SYT2: variants seen among roughly 807,000 people sequenced by gnomAD.
SYT2 encodes the protein synaptotagmin-2.
SYT2 carries 15 observed loss-of-function variants against 39.9 expected under a neutral mutation model. The observed-to-expected ratio is 0.38, with a 90% CI of 0.25 to 0.58. SYT2 has a LOEUF of 0.58. Ranked by LOEUF, SYT2 falls within the 20% of genes least tolerant of loss-of-function variation. The pLI, the probability that SYT2 is intolerant of heterozygous loss-of-function variation, is 0.70. For synonymous variants in SYT2, 181 were observed against 204.5 expected (o/e 0.89, Z 0.98); for missense variants, 389 against 530.3 (o/e 0.73, Z 2.62).
intron 1 of SYT2, among the ~76,000 whole-genome samples, chr1:202,680,299 T>C (rs1653491980): frequency 1.3e-5 from 2 of 152,336 alleles, no homozygotes; most frequent in Non-Finnish European, 2.9e-5. Context: ...TTTCTGCCCC[T>C]AGGAGCCATA....
At chr1:202,600,324 C>T in intron 7 of SYT2, 33 bp downstream of exon 7, 3 of 1,579,836 alleles carry the variant, frequency 1.9e-6, no homozygotes, top group Admixed American at 3.3e-5. Context: ...CTCGCTGGTG[C>T]CACCCAATGG....
chr1:202,688,647 AG>A (rs1438255899), intron 1 of SYT2, among the ~76,000 whole-genome samples: 1 of 152,240 alleles, frequency 6.6e-6, no homozygotes, highest in Non-Finnish European at 1.5e-5. Flanking sequence ...GACCTTGAAG[AG>A]AGAGATCTGC....
chr1:202,640,825 A>T (rs72644167), intron 1 of SYT2, among the ~76,000 whole-genome samples: 12,178 of 150,766 alleles, frequency 0.081, 733 homozygotes, highest in East Asian at 0.31. Context: ...AGACAGTGAG[A>T]CAGAGCTGAT....
At chr1:202,618,416 T>TGTGTGTGC (rs1553336815) in intron 1 of SYT2, among the ~76,000 whole-genome samples, 25 of 151,772 alleles carry the variant, frequency 1.6e-4, no homozygotes, top group Admixed American at 1.6e-3. Context: ...TGTGTGTGTG[T>TGTGTGTGC]GTGTGTGTGT....
intron 1 of SYT2, among the ~76,000 whole-genome samples, chr1:202,613,099 CAG>C (rs1690935142): frequency 1.2e-5 from 1 of 80,914 alleles, no homozygotes; most frequent in Non-Finnish European, 2.5e-5. Flanking sequence ...TTTTTTTTTC[CAG>C]ACAGAGTCTC....
intron 1 of SYT2, among the ~76,000 whole-genome samples, chr1:202,638,770 C>G (rs1223287035): frequency 6.6e-6 from 1 of 152,234 alleles, no homozygotes; most frequent in African/African-American, 2.4e-5. Context: ...CCCTACCCCG[C>G]CCCATCCCAA....
chr1:202,663,864 C>G (rs111733518), intron 1 of SYT2, among the ~76,000 whole-genome samples: 2 of 152,084 alleles, frequency 1.3e-5, no homozygotes, highest in African/African-American at 4.8e-5. Flanking sequence ...CTTAGAGGAA[C>G]GGATGCTCCT....
intron 1 of SYT2, among the ~76,000 whole-genome samples, chr1:202,707,136 T>G (rs536095609): frequency 2.0e-5 from 3 of 152,310 alleles, no homozygotes; most frequent in African/African-American, 7.2e-5. Context: ...ATTCTCAAAA[T>G]GCAATAGTGG....
chr1:202,639,614 C>A, intron 1 of SYT2: 1 of 985,490 alleles, frequency 1.0e-6, no homozygotes. Flanking sequence ...TCATGACTAA[C>A]CTTGAATGGA....
chr1:202,695,014 C>T (rs1007979159), intron 1 of SYT2, among the ~76,000 whole-genome samples: 2 of 152,116 alleles, frequency 1.3e-5, no homozygotes, highest in Non-Finnish European at 2.9e-5. Flanking sequence ...TCTTTTGTTA[C>T]AATATCTAAC....
At chr1:202,659,227 A>G (rs1257069428) in intron 1 of SYT2, among the ~76,000 whole-genome samples, 1 of 151,980 alleles carries the variant, frequency 6.6e-6, no homozygotes, top group Non-Finnish European at 1.5e-5. Flanking sequence ...CACACATGCT[A>G]CCTCTGTCCG....
At chr1:202,680,716 TC>T (rs1484041984) in intron 1 of SYT2, among the ~76,000 whole-genome samples, 1 of 152,162 alleles carries the variant, frequency 6.6e-6, no homozygotes, top group Non-Finnish European at 1.5e-5. Flanking sequence ...CTTTTCTCCA[TC>T]TAAAAACATT....
At chr1:202,701,461 T>G (rs1252683931) in intron 1 of SYT2, among the ~76,000 whole-genome samples, 2 of 152,314 alleles carry the variant, frequency 1.3e-5, no homozygotes, top group South Asian at 2.1e-4. Context: ...CAGAGAATAT[T>G]AAAAAGATGT....
intron 1 of SYT2, among the ~76,000 whole-genome samples, chr1:202,663,811 G>T (rs1220318696): frequency 2.0e-5 from 3 of 152,158 alleles, no homozygotes; most frequent in Non-Finnish European, 2.9e-5. Context: ...TGCACTCGCT[G>T]TGCCTGGGTG....
rs995176373 is a variant in SYT2 at position 202,595,612 on chromosome 1, T to C, written c.*1145A>G. The C allele has an allele frequency of 1.3e-5, 2 of 152,230 alleles. No individual in the cohort carries two copies. The highest frequency in any genetic ancestry group is 4.8e-5 in the African/African-American group (2 of 41,444). 9.4% of individuals were successfully genotyped at this position (152,230 alleles called of 1,614,324 possible). ...AGGAGAACTAAGAACATTTAAACTT[T>C]CCTTTTAAAGTTCTCTGGCTCTGCA... On this transcript the variant is annotated 3_prime_UTR_variant, in exon 9 of 9. Coordinates refer to ENST00000367268, the MANE Select transcript of SYT2 (RefSeq NM_177402.5).
intron 1 of SYT2, among the ~76,000 whole-genome samples, chr1:202,608,496 C>T (rs547541285): frequency 6.6e-6 from 1 of 152,182 alleles, no homozygotes; most frequent in African/African-American, 2.4e-5. Flanking sequence ...AGGCTGGTCT[C>T]GAGCTCCTGG....
chr1:202,620,043 G>T (rs1180514010), intron 1 of SYT2, among the ~76,000 whole-genome samples: 1 of 152,234 alleles, frequency 6.6e-6, no homozygotes, highest in East Asian at 1.9e-4. Flanking sequence ...AAGGTAGGGG[G>T]CCCAGTCCTC....
In SYT2 at chr1:202,628,298, C is replaced by T. The variant is rs144170325; in HGVS notation, c.-17-22509G>A. Among the ~76,000 whole-genome samples the T allele has an allele frequency of 4.6e-5, 7 of 152,288 alleles. No individual in the cohort carries two copies. In the East Asian group the frequency reaches 5.8e-4, roughly 13 times the overall value. On this transcript the variant is annotated intron_variant, in intron 1 of 8. Transcript: ENST00000367268. This position sits in a 1 kb window ranked among gnomAD's most constrained non-coding sequence, Gnocchi z 4.2. ...TGTACTCCCAGGTAGCAGAGCAGCT[C>T]GCTTTGGGCCACACCAGGACCTGGG...
intron 1 of SYT2, among the ~76,000 whole-genome samples, chr1:202,626,838 T>C (rs536336150): frequency 6.6e-6 from 1 of 152,132 alleles, no homozygotes; most frequent in South Asian, 2.1e-4. Context: ...GGGAGATGAG[T>C]TCATTTCCCT....
Sources: allele counts gnomAD v4.1 joint callset (sites outside exome capture counted in the v4.1 genomes callset), GRCh38; gene constraint gnomAD v4.1.1; non-coding constraint Gnocchi (gnomAD v3.1); transcripts MANE v1.5; gene names NCBI Gene and HGNC (gene_info 2026-07-23, HGNC 2026-07-21).